HEY2: variants seen among roughly 807,000 people sequenced by gnomAD.
HEY2 encodes hes related family bHLH transcription factor with YRPW motif 2, also known as hairy/enhancer-of-split related with YRPW motif protein 2.
Under a neutral mutation model 18.1 loss-of-function variants are expected in HEY2, and 10 were observed. That is an observed-to-expected ratio of 0.55 (90% CI 0.34 to 0.94). The LOEUF is 0.94. HEY2 is among the 40% of genes least tolerant of loss of function. The pLI is 0.02. For missense variants in HEY2, 455 were observed against 455.9 expected (o/e 1.00, Z 0.02); for synonymous variants, 210 against 182.7 (o/e 1.15, Z -1.21).
chr6:125,753,023 T>C (rs1562706375), intron 3 of HEY2, among the ~76,000 whole-genome samples: 3 of 152,238 alleles, frequency 2.0e-5, no homozygotes, highest in Non-Finnish European at 4.4e-5. Context: ...TGAATCTGCT[T>C]GTACCATTTT....
intron 1 of HEY2, among the ~76,000 whole-genome samples, chr6:125,750,838 A>G (rs1192496103): frequency 6.6e-6 from 1 of 152,238 alleles, no homozygotes; most frequent in Non-Finnish European, 1.5e-5. Flanking sequence ...TAATTCAGAA[A>G]TAAGATCCAG....
intron 3 of HEY2, 34 bp downstream of exon 3, chr6:125,752,124 AC>A (rs1773557324): frequency 1.2e-6 from 1 of 801,978 alleles, no homozygotes; most frequent in African/African-American, 3.5e-5. Flanking sequence ...CCCCCCACCC[AC>A]CCCGCCACCC....
At chr6:125,759,042 G>C in intron 4 of HEY2, 75 bp from the exon 5 acceptor site, 1 of 1,114,680 alleles carries the variant, frequency 9.0e-7, no homozygotes, top group Middle Eastern at 2.2e-4. Context: ...GGTTATTGTT[G>C]ACTATACCAT....
chr6:125,751,955 A>C, intron 2 of HEY2, 52 bp from the exon 3 acceptor site: 1 of 1,591,562 alleles, frequency 6.3e-7, no homozygotes, highest in Non-Finnish European at 8.6e-7. Context: ...CATTTGAGTA[A>C]TTTTATCATT....
chr6:125,755,491 G>A (rs1773636824), intron 4 of HEY2, among the ~76,000 whole-genome samples: 1 of 152,182 alleles, frequency 6.6e-6, no homozygotes, highest in African/African-American at 2.4e-5. Flanking sequence ...GCCTCCCGGT[G>A]CTCAGCATTA....
rs191791847 is a variant in HEY2, at chr6:125,757,262, A to G, written c.329-1855A>G. On this transcript the variant is annotated intron_variant, in intron 4 of 4. Transcript: ENST00000368364. ...GGGAGTCAGAAGTCTGCAAAGCCCT[A>G]CAGAACCCTGAGGACCAAAATGTGA... 2.5e-4 allele frequency among the ~76,000 whole-genome samples: 38 copies of G among 152,312 alleles called. No individual in the cohort carries two copies. The East Asian group carries it at 6.4e-3, about 26-fold the overall frequency.
intron 1 of HEY2, chr6:125,750,401 C>T: frequency 1.0e-6 from 1 of 985,300 alleles, no homozygotes; most frequent in Non-Finnish European, 1.2e-6. Context: ...TCGGAAAGGG[C>T]ATCATTTCTT....
intron 4 of HEY2, among the ~76,000 whole-genome samples, chr6:125,758,471 A>C (rs1773711412): frequency 6.6e-6 from 1 of 152,172 alleles, no homozygotes; most frequent in African/African-American, 2.4e-5. Context: ...TAAGAAACCA[A>C]ATTTTTTTTA....
In HEY2 at chr6:125,761,112, G is replaced by T. The variant is rs1015015474; in HGVS notation, c.*1310G>T. 14 of 152,502 alleles carry T rather than the reference G, an allele frequency of 9.2e-5. No individual in the cohort carries two copies. Among genetic ancestry groups the T allele is most frequent in the Non-Finnish European group, 1.3e-4 (9 of 68,026 alleles). 9.4% of individuals were successfully genotyped at this position (152,502 alleles called of 1,614,324 possible). On this transcript the variant is annotated 3_prime_UTR_variant, in exon 5 of 5. Transcript: ENST00000368364. Reference sequence around the variant, plus strand: ...TTCATTTCTCTACTGTGTGGAGAAAGCAATAAACATTATGAGAATGTTAAA... The same window carrying T: ...TTCATTTCTCTACTGTGTGGAGAAATCAATAAACATTATGAGAATGTTAAA...
At chr6:125,758,793 T>C (rs899810931) in intron 4 of HEY2, among the ~76,000 whole-genome samples, 32 of 152,312 alleles carry the variant, frequency 2.1e-4, no homozygotes, top group African/African-American at 7.7e-4. Flanking sequence ...AGAGACCCCA[T>C]TTCTTTCTCT....
rs368774390 is a variant in HEY2, at chr6:125,759,706, C to T, written c.918C>T (p.Pro306=). 4.3e-6 allele frequency: 7 copies of T among 1,613,208 alleles called. No individual in the cohort carries two copies. Among genetic ancestry groups the T allele is most frequent in the Non-Finnish European group, 5.9e-6 (7 of 1,180,042 alleles). ...AVAAATAISP[P]LSVSATSSPQ... Reference sequence around the variant, plus strand: ...CCGCGGCCACAGCCATCAGCCCGCCCTTGTCAGTATCAGCCACGTCCAGTC... The same window carrying T: ...CCGCGGCCACAGCCATCAGCCCGCCTTTGTCAGTATCAGCCACGTCCAGTC... Residue 306 remains proline, a synonymous_variant, in exon 5 of 5, where the codon CCC becomes CCT. Coordinates refer to ENST00000368364, the MANE Select transcript of HEY2 (RefSeq NM_012259.3).
chr6:125,757,496 TTCCAAA>T (rs1407357101), intron 4 of HEY2, among the ~76,000 whole-genome samples: 2 of 152,342 alleles, frequency 1.3e-5, no homozygotes, highest in East Asian at 3.9e-4. Context: ...TTTTGGGAAC[TTCCAAA>T]TCGTTGGAAT....
chr6:125,752,405 CTG>C (rs1448015615), intron 3 of HEY2, among the ~76,000 whole-genome samples: 1 of 138,108 alleles, frequency 7.2e-6, no homozygotes. Context: ...TTATTTAAAA[CTG>C]TGCTGTATAC....
At chr6:125,750,875 C>A (rs1451588131) in intron 1 of HEY2, among the ~76,000 whole-genome samples, 1 of 152,138 alleles carries the variant, frequency 6.6e-6, no homozygotes, top group Non-Finnish European at 1.5e-5. Flanking sequence ...TAATAGCAAC[C>A]TGGTGTGTGC....
intron 4 of HEY2, among the ~76,000 whole-genome samples, chr6:125,758,162 A>G (rs1562710871): frequency 3.1e-5 from 1 of 31,900 alleles, no homozygotes; most frequent in African/African-American, 8.3e-5. Flanking sequence ...TGTGCCCTAC[A>G]TGCCCTACAT....
chr6:125,759,042 G>A (rs912038908), intron 4 of HEY2, 75 bp from the exon 5 acceptor site: 5 of 1,114,562 alleles, frequency 4.5e-6, no homozygotes, highest in Non-Finnish European at 6.4e-6. Context: ...GGTTATTGTT[G>A]ACTATACCAT....
rs774910626 is a variant in HEY2 at position 125,759,319 on chromosome 6, T to C, written c.531T>C (p.His177=). The C allele has an allele frequency of 1.2e-6, 2 of 1,605,658 alleles. No homozygotes were observed. Among genetic ancestry groups the C allele is most frequent in the Admixed American group, 3.3e-5 (2 of 59,900 alleles). ...TGACATCCTCCATGGCCCACCACCATCATCCGCTCCACCCGCATCACTGGG... is the reference window on the plus strand; with the variant it reads ...TGACATCCTCCATGGCCCACCACCACCATCCGCTCCACCCGCATCACTGGG... ...AAMTSSMAHH[H]HPLHPHHWAA... Residue 177 remains histidine (H), a synonymous_variant, in exon 5 of 5, where the codon CAT becomes CAC. Coordinates refer to ENST00000368364, the MANE Select transcript of HEY2 (RefSeq NM_012259.3).
At chr6:125,751,604 T>C (rs1239117225) in intron 1 of HEY2, among the ~76,000 whole-genome samples, 197 bp from the exon 2 acceptor site, 4 of 152,160 alleles carry the variant, frequency 2.6e-5, no homozygotes, top group Admixed American at 1.3e-4. Flanking sequence ...GGATTACAAA[T>C]TAAGGCGTAA....
intron 1 of HEY2, chr6:125,750,224 G>A: frequency 7.1e-6 from 7 of 983,448 alleles, no homozygotes; most frequent in Non-Finnish European, 8.5e-6. Flanking sequence ...AAATAGATCA[G>A]GAGAAAATAA....
Sources: gnomAD v4.1 joint callset for allele counts (sites outside exome capture counted in the v4.1 genomes callset) on GRCh38, gnomAD v4.1.1 for gene constraint, MANE v1.5 for transcripts, NCBI Gene and HGNC (gene_info 2026-07-23, HGNC 2026-07-21) for gene names.